Variants in PICALM observed in about 807,000 individuals in gnomAD.
PICALM encodes the protein phosphatidylinositol binding clathrin assembly protein.
A neutral mutation model predicts 80.5 loss-of-function variants in PICALM; 40 were observed. That is an observed-to-expected ratio of 0.50 (90% CI 0.39 to 0.65). The LOEUF (loss-of-function observed/expected upper bound fraction) is 0.65, where lower values mean the gene tolerates loss of function less well. Ranked by LOEUF, PICALM falls within the 30% of genes least tolerant of loss-of-function variation. The pLI is 0.00. For synonymous variants in PICALM, 288 were observed against 260.3 expected (o/e 1.11, Z -1.02); for missense variants, 676 against 778.9 (o/e 0.87, Z 1.57).
intron 1 of PICALM, among the ~76,000 whole-genome samples, chr11:86,039,633 T>C (rs2095912822): frequency 6.6e-6 from 1 of 152,160 alleles, no homozygotes; most frequent in African/African-American, 2.4e-5. Flanking sequence ...CCTCCAACAA[T>C]GCTAGTTTCA....
At position 86,050,523 on chromosome 11, in the gene PICALM, T is replaced by C. The variant is rs555269947; in HGVS notation, c.130+18128A>G. ...ACAATACATATACACAGCATTCATA[T>C]AATTTAAGAAACACAGTCCTTCCAT... is the stretch of plus-strand genomic sequence containing the variant. On this transcript the variant is annotated intron_variant, in intron 1 of 19. Transcript: ENST00000393346. Among the ~76,000 whole-genome samples, 56 of 152,338 alleles carry C rather than the reference T, an allele frequency of 3.7e-4. 1 individual carries two copies. The highest frequency in any genetic ancestry group is 1.3e-3 in the African/African-American group (55 of 41,580).
In PICALM at chr11:86,060,655, C is replaced by A. The variant is rs2096345321; in HGVS notation, c.130+7996G>T. Among the ~76,000 whole-genome samples the A allele has an allele frequency of 2.0e-5, 3 of 151,730 alleles. No homozygotes were observed. In the South Asian group the frequency reaches 6.2e-4, roughly 32 times the overall value. On this transcript the variant is annotated intron_variant, in intron 1 of 19. Coordinates refer to ENST00000393346, the MANE Select transcript of PICALM (RefSeq NM_007166.4). The stretch of plus-strand genomic sequence containing the variant: ...CCAGACCACACCTTAAGAACCACTG[C>A]CAGCAAAGGAGAAAGGCAATACAAT...
intron 4 of PICALM, 57 bp downstream of exon 4, chr11:86,022,308 CTA>C (rs1210705798): frequency 1.1e-6 from 1 of 922,148 alleles, no homozygotes; most frequent in East Asian, 2.5e-5. Flanking sequence ...CTAGTAACTC[CTA>C]TGTTTTACAT....
Position 85,998,033 on chromosome 11 carries a change from G to C in PICALM, c.1155-1104C>G, listed in dbSNP as rs181436336. 5.3e-5 allele frequency among the ~76,000 whole-genome samples: 8 copies of C among 149,962 alleles called. No individual in the cohort carries two copies. In the East Asian group the frequency reaches 1.0e-3, roughly 19 times the overall value. On this transcript the variant is annotated intron_variant, in intron 11 of 19. Transcript: ENST00000393346. ...CTGACCTCAGATGATCCACCCACCT[G>C]AGCCTCCCAAAGTGCTGGGATTACA...
At chr11:85,991,894 T>C (rs985331598) in intron 12 of PICALM, among the ~76,000 whole-genome samples, 3 of 152,216 alleles carry the variant, frequency 2.0e-5, no homozygotes, top group Non-Finnish European at 2.9e-5. Flanking sequence ...TCTTGCTCTG[T>C]TGCCCAGGCA....
intron 19 of PICALM, among the ~76,000 whole-genome samples, chr11:85,972,990 T>C (rs1431929660): frequency 6.6e-6 from 1 of 152,192 alleles, no homozygotes; most frequent in African/African-American, 2.4e-5. Context: ...ACTCATAGTC[T>C]ATTTTATAAA....
At chr11:86,054,227 C>A (rs142025508) in intron 1 of PICALM, among the ~76,000 whole-genome samples, 213 of 152,288 alleles carry the variant, frequency 1.4e-3, no homozygotes, top group African/African-American at 5.0e-3. Context: ...TGCACATGTG[C>A]CAACAGAATC....
At chr11:85,973,425 CAGAG>C (rs919365575) in intron 19 of PICALM, among the ~76,000 whole-genome samples, 3 of 152,134 alleles carry the variant, frequency 2.0e-5, no homozygotes, top group Non-Finnish European at 2.9e-5. Flanking sequence ...AAGAGAAAGA[CAGAG>C]AGGGAGAGAG....
intron 4 of PICALM, among the ~76,000 whole-genome samples, chr11:86,019,245 C>A (rs1214865453): frequency 2.1e-5 from 3 of 144,946 alleles, no homozygotes; most frequent in Non-Finnish European, 4.5e-5. Context: ...GCTGTCATGT[C>A]CTCAATTTAT....
At chr11:86,011,207 A>G in intron 6 of PICALM, 71 bp from the exon 7 acceptor site, 2 of 659,432 alleles carry the variant, frequency 3.0e-6, no homozygotes, top group South Asian at 3.7e-5. Context: ...AAAAAAAAGT[A>G]GGTAATAGCT....
At chr11:85,979,120 C>T (rs547260383) in intron 17 of PICALM, among the ~76,000 whole-genome samples, 38 of 152,222 alleles carry the variant, frequency 2.5e-4, no homozygotes, top group Non-Finnish European at 4.9e-4. Flanking sequence ...TCCCTCAAGA[C>T]AGCAACATTT....
intron 5 of PICALM, 71 bp from the exon 6 acceptor site, chr11:86,012,463 C>T (rs972524182): frequency 8.1e-5 from 68 of 842,532 alleles, no homozygotes; most frequent in South Asian, 4.9e-4. Context: ...AGATTTCCTT[C>T]AAATTAAGAT....
rs878929487 is a variant in PICALM at position 86,022,417 on chromosome 11, T to C, written c.402A>G (p.Lys134=). 8.8e-6 allele frequency: 14 copies of C among 1,595,184 alleles called. No homozygotes were observed. The South Asian group carries it at 1.6e-4, about 18-fold the overall frequency. Residue 134 remains lysine (K), a synonymous_variant, in exon 4 of 20, where the codon AAA becomes AAG. Coordinates refer to ENST00000393346, the MANE Select transcript of PICALM (RefSeq NM_007166.4). ...ATGCAACTTGTCTGTATGAAACTGC[T>C]TTCTCATTTAAATATCTACTATACC... is the stretch of plus-strand genomic sequence containing the variant. ...IRRYSRYLNE[K]AVSYRQVAFD...
chr11:85,979,213 G>T (rs1310743805), intron 17 of PICALM, among the ~76,000 whole-genome samples: 3 of 152,164 alleles, frequency 2.0e-5, no homozygotes, highest in Non-Finnish European at 4.4e-5. Flanking sequence ...TGATAGGCTG[G>T]GCGTGGTAGC....
At chr11:85,968,995 C>G (rs1488652665) in intron 19 of PICALM, among the ~76,000 whole-genome samples, 1 of 121,814 alleles carries the variant, frequency 8.2e-6, no homozygotes, top group Non-Finnish European at 1.8e-5. Context: ...CACACACACA[C>G]ACGGAGAAAA....
intron 1 of PICALM, among the ~76,000 whole-genome samples, chr11:86,035,040 C>T (rs756923228): frequency 2.0e-5 from 3 of 151,776 alleles, no homozygotes; most frequent in Non-Finnish European, 4.4e-5. Context: ...ATTTAATACA[C>T]GTTCTCGACT....
chr11:86,017,909 C>T lies in PICALM; in HGVS notation c.453-2946G>A, dbSNP rs374211309. ...TGGTTCAGAAAAAAATGTGTGTGTGCGCCTGTGTGAATATACACAGAAAGA... is the reference window on the plus strand; with the variant it reads ...TGGTTCAGAAAAAAATGTGTGTGTGTGCCTGTGTGAATATACACAGAAAGA... On this transcript the variant is annotated intron_variant, in intron 4 of 19. Coordinates refer to ENST00000393346, the MANE Select transcript of PICALM (RefSeq NM_007166.4). Among the ~76,000 whole-genome samples the T allele has an allele frequency of 9.2e-5, 14 of 152,158 alleles. No homozygotes were observed. The East Asian group carries it at 1.5e-3, about 17-fold the overall frequency.
chr11:86,015,080 A>G, intron 4 of PICALM, 117 bp from the exon 5 acceptor site: 1 of 633,466 alleles, frequency 1.6e-6, no homozygotes, highest in South Asian at 2.0e-5. Context: ...AATGTCACAT[A>G]TTTTTAAGTC....
rs145725396 is a variant in PICALM, at chr11:86,000,678, G to A, written c.1119C>T (p.Ala373=). The A allele has an allele frequency of 2.8e-5, 45 of 1,612,130 alleles. No homozygotes were observed. The African/African-American group carries it at 5.5e-4, about 20-fold the overall frequency. The change falls in exon 11 of 20, where the codon GCC becomes GCT. Residue 373 remains alanine, a synonymous_variant. Coordinates refer to ENST00000393346, the MANE Select transcript of PICALM (RefSeq NM_007166.4). ...AACTAGGGGTAGAAAATATGTCAAT[G>A]GCTGGTGCAGTCATTATCCCTCCTG... is the stretch of plus-strand genomic sequence containing the variant. ...TSAGGIMTAP[A]IDIFSTPSSS... is the part of the protein sequence containing the mutation.
Sources: allele counts gnomAD v4.1 joint callset (sites outside exome capture counted in the v4.1 genomes callset), GRCh38; gene constraint gnomAD v4.1.1; transcripts MANE v1.5; gene names NCBI Gene and HGNC (gene_info 2026-07-23, HGNC 2026-07-21).